KCNH8: variants seen among roughly 807,000 people sequenced by gnomAD.
KCNH8 encodes potassium voltage-gated channel subfamily H member 8.
A neutral mutation model predicts 103.6 loss-of-function variants in KCNH8; 70 were observed. The ratio of observed to expected loss-of-function variants is 0.68; its 90% CI spans 0.56 to 0.82. The LOEUF (loss-of-function observed/expected upper bound fraction) is 0.82. Among genes scored for constraint, KCNH8 ranks in the 40% least tolerant of loss-of-function variants. The pLI, the probability that KCNH8 is intolerant of heterozygous loss-of-function variation, is 0.00. For synonymous variants in KCNH8, 498 were observed against 489.4 expected, an observed-to-expected ratio of 1.02 and a Z score of -0.23; for missense variants, 1,217 against 1,329.9, an observed-to-expected ratio of 0.92 and a Z score of 1.32.
At chr3:19,410,708 T>C (rs2066763102) in intron 7 of KCNH8, among the ~76,000 whole-genome samples, 1 of 151,842 alleles carries the variant, frequency 6.6e-6, no homozygotes, top group African/African-American at 2.4e-5. Context: ...AAACAAAAGA[T>C]TCTCAGAGAG....
At chr3:19,206,091 C>G (rs1001906253) in intron 1 of KCNH8, among the ~76,000 whole-genome samples, 2 of 150,572 alleles carry the variant, frequency 1.3e-5, no homozygotes, top group Non-Finnish European at 2.9e-5. Context: ...AGTTACTTCA[C>G]TTAGAGTAAC....
intron 11 of KCNH8, among the ~76,000 whole-genome samples, chr3:19,487,930 G>A (rs568501340): frequency 1.8e-4 from 28 of 152,256 alleles, no homozygotes; most frequent in Admixed American, 1.4e-3. Context: ...CTGTTGCTCC[G>A]ATTATATCAA....
rs1181625301 is a variant in KCNH8, at chr3:19,533,623, T to C, written c.2848T>C (p.Cys950Arg). 1.2e-6 allele frequency: 2 copies of C among 1,614,206 alleles called. No individual in the cohort carries two copies. Among genetic ancestry groups the C allele is most frequent in the Non-Finnish European group, 1.7e-6 (2 of 1,180,028 alleles). ...GGAAYTQAQL[C>R]SSNITSDIWS... Reference sequence around the variant, plus strand: ...GGCTGCTTATACCCAAGCACAACTTTGTAGCAGTAATATCACCTCAGACAT... The same window carrying C: ...GGCTGCTTATACCCAAGCACAACTTCGTAGCAGTAATATCACCTCAGACAT... Residue 950 changes from cysteine to arginine, a missense_variant, in exon 16 of 16, where the codon TGT (cysteine) becomes CGT (arginine). Cys to Arg is a radical substitution (Grantham distance 180). This residue lies in a region of KCNH8 where 558 missense variants were observed against 495.8 expected (regional missense o/e 1.13). Coordinates refer to ENST00000328405, the MANE Select transcript of KCNH8 (RefSeq NM_144633.3).
intron 1 of KCNH8, among the ~76,000 whole-genome samples, chr3:19,170,807 T>A (rs1315199612): frequency 9.8e-6 from 1 of 102,254 alleles, no homozygotes; most frequent in South Asian, 3.0e-4. Flanking sequence ...TATATATATA[T>A]ATATTTTTTT....
intron 11 of KCNH8, among the ~76,000 whole-genome samples, chr3:19,465,083 G>A (rs1026480625): frequency 6.6e-6 from 1 of 152,098 alleles, no homozygotes; most frequent in African/African-American, 2.4e-5. Context: ...AATAATGCTG[G>A]AGAAATCTTT....
At chr3:19,404,137 CT>C (rs1575024080) in intron 7 of KCNH8, among the ~76,000 whole-genome samples, 1 of 151,860 alleles carries the variant, frequency 6.6e-6, no homozygotes, top group Non-Finnish European at 1.5e-5. Context: ...ATCATTTCAC[CT>C]GCTCTTCACT....
intron 5 of KCNH8, among the ~76,000 whole-genome samples, chr3:19,379,806 G>A (rs1289225600): frequency 6.6e-6 from 1 of 152,136 alleles, no homozygotes; most frequent in Non-Finnish European, 1.5e-5. Context: ...TAGGCTTATA[G>A]TTTGTGGCAG....
chr3:19,501,478 G>C (rs893757915), intron 11 of KCNH8, among the ~76,000 whole-genome samples: 1 of 152,138 alleles, frequency 6.6e-6, no homozygotes. Context: ...AACCAAAAAA[G>C]AGAATTTTAG....
chr3:19,256,245 T>G (rs1325660513), intron 2 of KCNH8, among the ~76,000 whole-genome samples: 2 of 152,154 alleles, frequency 1.3e-5, no homozygotes, highest in African/African-American at 2.4e-5. Flanking sequence ...TTGGAGGATA[T>G]TCCCTGATGA....
intron 1 of KCNH8, among the ~76,000 whole-genome samples, chr3:19,200,194 T>A (rs2063643329): frequency 6.6e-6 from 1 of 151,854 alleles, no homozygotes; most frequent in African/African-American, 2.4e-5. Flanking sequence ...GTGAAAAAAG[T>A]AAAGTTAAAA....
At chr3:19,367,021 T>C (rs2066020987) in intron 5 of KCNH8, among the ~76,000 whole-genome samples, 1 of 151,966 alleles carries the variant, frequency 6.6e-6, no homozygotes, top group South Asian at 2.1e-4. Flanking sequence ...TAGAAGACCC[T>C]TCAGGGTCTT....
chr3:19,496,259 C>A (rs192606754), intron 11 of KCNH8, among the ~76,000 whole-genome samples: 20 of 152,276 alleles, frequency 1.3e-4, no homozygotes, highest in Admixed American at 5.9e-4. Context: ...TAGAGGGCAT[C>A]CCTGTCTTGC....
At chr3:19,310,969 T>C (rs554236923) in intron 3 of KCNH8, among the ~76,000 whole-genome samples, 52 of 151,960 alleles carry the variant, frequency 3.4e-4, no homozygotes, top group African/African-American at 1.2e-3. Context: ...GATTGATTGC[T>C]CTACTGTGAC....
intron 3 of KCNH8, among the ~76,000 whole-genome samples, chr3:19,317,681 C>G (rs899052112): frequency 2.0e-5 from 3 of 151,810 alleles, no homozygotes; most frequent in African/African-American, 7.3e-5. Flanking sequence ...ATATGCAAAT[C>G]AATAAATATG....
intron 11 of KCNH8, among the ~76,000 whole-genome samples, chr3:19,465,338 G>A (rs571600948): frequency 6.6e-6 from 1 of 152,234 alleles, no homozygotes; most frequent in Admixed American, 6.5e-5. Context: ...ACAAAGCCTA[G>A]ATGTAGTACA....
At chr3:19,207,987 C>T (rs75827409) in intron 1 of KCNH8, among the ~76,000 whole-genome samples, 3,578 of 152,058 alleles carry the variant, frequency 0.024, 133 homozygotes, top group African/African-American at 0.081. Flanking sequence ...TCAGGGTGCT[C>T]AGTTTAGTTA....
intron 7 of KCNH8, among the ~76,000 whole-genome samples, chr3:19,424,675 G>C (rs1416067625): frequency 6.6e-6 from 1 of 152,110 alleles, no homozygotes; most frequent in Non-Finnish European, 1.5e-5. Flanking sequence ...CACAGAGTGA[G>C]AGAAAACATT....
intron 3 of KCNH8, among the ~76,000 whole-genome samples, chr3:19,309,088 T>C (rs906567794): frequency 6.6e-6 from 1 of 151,820 alleles, no homozygotes; most frequent in Non-Finnish European, 1.5e-5. Context: ...GTGCTTATTT[T>C]CTGGTATTTT....
intron 15 of KCNH8, among the ~76,000 whole-genome samples, chr3:19,524,196 A>G (rs1286532196): frequency 6.6e-6 from 1 of 151,902 alleles, no homozygotes; most frequent in Admixed American, 6.6e-5. Flanking sequence ...CAACTGAAAC[A>G]CACTGACAGA....
Sources: allele counts gnomAD v4.1 joint callset (sites outside exome capture counted in the v4.1 genomes callset), GRCh38; gene constraint gnomAD v4.1.1; regional missense constraint gnomAD v4.1.1; transcripts MANE v1.5; gene names NCBI Gene and HGNC (gene_info 2026-07-23, HGNC 2026-07-21).